MYT1L: variants seen among roughly 807,000 people sequenced by gnomAD.
MYT1L encodes the protein myelin transcription factor 1-like protein.
In MYT1L, 12 loss-of-function variants were observed where a neutral mutation model predicts 126.7. The observed-to-expected ratio is 0.09, with a 90% confidence interval of 0.06 to 0.15. The LOEUF is 0.15. Among genes scored for constraint, MYT1L ranks in the 10% least tolerant of loss-of-function variants. MYT1L has a pLI of 1.00. For missense variants in MYT1L, 979 were observed against 1,585.2 expected (o/e 0.62, Z 6.49); for synonymous variants, 541 against 604.2 (o/e 0.90, Z 1.53).
chr2:1,839,152 C>T lies in MYT1L; in HGVS notation c.3077G>A (p.Arg1026His). ...TCCCGCAGACGCGGCCACTCACCTG[C>T]GGTGTGTGAGGAAGCTGCCGCTGAC... ...GHVSGSFLTH[R>H]SLSGCPRATS... The change falls in exon 21 of 25, where the codon CGC becomes CAC. Residue 1026 changes from arginine to histidine, a missense_variant. By Grantham distance (29) the Arg-to-His change is conservative (BLOSUM62 0). This residue lies in a region of MYT1L where 179 missense variants were observed against 398.6 expected (regional missense o/e 0.45). Transcript: ENST00000647738. 6.2e-7 allele frequency: 1 copy of T among 1,610,700 alleles called. No homozygotes were observed.
At chr2:2,177,344 G>T (rs1198324031) in intron 2 of MYT1L, among the ~76,000 whole-genome samples, 2 of 152,188 alleles carry the variant, frequency 1.3e-5, no homozygotes, top group Non-Finnish European at 2.9e-5. Flanking sequence ...TTCAGTGATA[G>T]AATGGTTAGA....
At chr2:2,017,988 C>A (rs1025188223) in intron 4 of MYT1L, among the ~76,000 whole-genome samples, 1 of 152,200 alleles carries the variant, frequency 6.6e-6, no homozygotes, top group African/African-American at 2.4e-5. Flanking sequence ...AAGCACTACA[C>A]TCTTAAAATT....
chr2:1,882,669 T>G (rs148079904), intron 18 of MYT1L, among the ~76,000 whole-genome samples: 1 of 152,316 alleles, frequency 6.6e-6, no homozygotes, highest in Non-Finnish European at 1.5e-5. Flanking sequence ...ATGAGGATTA[T>G]TCCTAAGAAC....
chr2:2,033,426 GAGA>G (rs2066622922), intron 4 of MYT1L, among the ~76,000 whole-genome samples: 2 of 97,960 alleles, frequency 2.0e-5, no homozygotes, highest in South Asian at 7.4e-4. Flanking sequence ...GAGCAGATTC[GAGA>G]AGGAGGGCCT....
intron 13 of MYT1L, among the ~76,000 whole-genome samples, chr2:1,904,820 G>C (rs1463463789): frequency 6.7e-6 from 1 of 149,816 alleles, no homozygotes; most frequent in Non-Finnish European, 1.5e-5. Flanking sequence ...TTGAGACAGA[G>C]TCTCGCTCTG....
At chr2:2,211,673 C>T (rs866833943) in intron 2 of MYT1L, among the ~76,000 whole-genome samples, 11 of 151,666 alleles carry the variant, frequency 7.3e-5, no homozygotes, top group African/African-American at 1.5e-4. Flanking sequence ...GGCGTGGTGG[C>T]GGGCGCCTCT....
intron 19 of MYT1L, among the ~76,000 whole-genome samples, chr2:1,844,296 C>G (rs1314111375): frequency 6.6e-6 from 1 of 152,180 alleles, no homozygotes; most frequent in East Asian, 1.9e-4. Context: ...ATGGCTGGAA[C>G]CTTTATACTG....
At chr2:2,055,756 CATA>C (rs1376211542) in intron 3 of MYT1L, among the ~76,000 whole-genome samples, 1 of 152,192 alleles carries the variant, frequency 6.6e-6, no homozygotes, top group Non-Finnish European at 1.5e-5. Context: ...TTAAAACAAT[CATA>C]ATATTTTGCT....
intron 14 of MYT1L, 56 bp from the exon 15 acceptor site, chr2:1,892,343 C>T: frequency 6.6e-7 from 1 of 1,516,536 alleles, no homozygotes; most frequent in Non-Finnish European, 8.9e-7. Context: ...ACACGGCAGA[C>T]AGCACACGGC....
At chr2:1,994,292 C>G (rs1396796297) in intron 5 of MYT1L, among the ~76,000 whole-genome samples, 1 of 152,040 alleles carries the variant, frequency 6.6e-6, no homozygotes. Context: ...CCAGCGAGTC[C>G]TCCTGGGGGG....
At chr2:2,327,063 ATAATC>A (rs1308000220) in intron 1 of MYT1L, 1 of 152,220 alleles carries the variant, frequency 6.6e-6, no homozygotes, top group Non-Finnish European at 1.5e-5. Context: ...TTGCCTTTAA[ATAATC>A]TAATATCAGA....
At chr2:1,902,911 G>A in intron 14 of MYT1L, 169 bp downstream of exon 14, 1 of 624,444 alleles carries the variant, frequency 1.6e-6, no homozygotes, top group South Asian at 2.0e-5. Context: ...CTACAGCTGT[G>A]TGGACCTGAG....
chr2:2,260,146 G>A lies in MYT1L; in HGVS notation c.-421+24258C>T, dbSNP rs115476948. 2.5e-3 allele frequency among the ~76,000 whole-genome samples: 383 copies of A among 152,248 alleles called. 1 individual carries two copies. The highest frequency in any genetic ancestry group is 9.0e-3 in the African/African-American group (372 of 41,532). On this transcript the variant is annotated intron_variant, in intron 2 of 24. Coordinates refer to ENST00000647738, the MANE Select transcript of MYT1L (RefSeq NM_001303052.2). ...GGAGATTACATTACAGAGAGAAACA[G>A]GATTCACAATGCGTGATGAGATTTT...
intron 1 of MYT1L, among the ~76,000 whole-genome samples, chr2:2,318,328 C>G (rs2096103044): frequency 6.6e-6 from 1 of 152,140 alleles, no homozygotes; most frequent in Non-Finnish European, 1.5e-5. Context: ...TGAGATGTTA[C>G]CTGTTGTCTC....
At chr2:2,003,837 T>C (rs1200134046) in intron 4 of MYT1L, among the ~76,000 whole-genome samples, 2 of 152,228 alleles carry the variant, frequency 1.3e-5, no homozygotes, top group Non-Finnish European at 2.9e-5. Flanking sequence ...GCCCGGCTGC[T>C]TCAGGCACCC....
At chr2:1,890,138 G>A (rs1289211206) in intron 15 of MYT1L, among the ~76,000 whole-genome samples, 3 of 151,400 alleles carry the variant, frequency 2.0e-5, no homozygotes, top group Non-Finnish European at 2.9e-5. Flanking sequence ...GGCACGACCT[G>A]GGCTCACTGC....
intron 5 of MYT1L, among the ~76,000 whole-genome samples, chr2:1,993,266 T>C (rs1226315542): frequency 6.6e-6 from 1 of 152,156 alleles, no homozygotes; most frequent in Non-Finnish European, 1.5e-5. Flanking sequence ...ATTATCGGGT[T>C]GAAGTACAAA....
chr2:1,971,998 A>G (rs972610706), intron 8 of MYT1L, among the ~76,000 whole-genome samples: 3 of 152,210 alleles, frequency 2.0e-5, no homozygotes, highest in Non-Finnish European at 4.4e-5. Context: ...CTGATTTATA[A>G]TATCAGTGAT....
intron 3 of MYT1L, among the ~76,000 whole-genome samples, chr2:2,063,100 G>C (rs925603527): frequency 6.6e-6 from 1 of 151,962 alleles, no homozygotes; most frequent in Non-Finnish European, 1.5e-5. Context: ...CCTCTCTTGT[G>C]AGATTTTTTA....
Sources: gnomAD v4.1 joint callset for allele counts (sites outside exome capture counted in the v4.1 genomes callset) on GRCh38, gnomAD v4.1.1 for gene constraint, gnomAD v4.1.1 regional missense constraint, MANE v1.5 for transcripts, NCBI Gene and HGNC (gene_info 2026-07-23, HGNC 2026-07-21) for gene names.